ZSWIM5: variants seen among roughly 807,000 people sequenced by gnomAD.
ZSWIM5 encodes the protein zinc finger SWIM-type containing 5.
In ZSWIM5, 55 loss-of-function variants were observed where a neutral mutation model predicts 119.6. That is an observed-to-expected ratio of 0.46 (90% CI 0.37 to 0.58). The LOEUF (loss-of-function observed/expected upper bound fraction) is 0.58, where lower values mean the gene tolerates loss of function less well. ZSWIM5 is among the 20% of genes least tolerant of loss of function. The probability of loss-of-function intolerance (pLI) is 0.00; values close to 1 mark genes in which losing one functional copy is unlikely to be tolerated. For missense variants in ZSWIM5, 1,193 were observed against 1,512.8 expected, an observed-to-expected ratio of 0.79 and a Z score of 3.51; for synonymous variants, 537 against 606.9, an observed-to-expected ratio of 0.88 and a Z score of 1.69.
chr1:45,166,531 C>T (rs1645904770), intron 1 of ZSWIM5, among the ~76,000 whole-genome samples: 1 of 152,044 alleles, frequency 6.6e-6, no homozygotes, highest in Non-Finnish European at 1.5e-5. Context: ...GTCAAATTGT[C>T]CCTGTTTGCA....
chr1:45,134,919 T>C (rs1371841849), intron 1 of ZSWIM5, among the ~76,000 whole-genome samples: 1 of 152,254 alleles, frequency 6.6e-6, no homozygotes, highest in Non-Finnish European at 1.5e-5. Context: ...GATTTCTTTC[T>C]TTTTAAAGCC....
intron 1 of ZSWIM5, among the ~76,000 whole-genome samples, chr1:45,094,995 C>T (rs917840779): frequency 6.6e-6 from 1 of 152,186 alleles, no homozygotes; most frequent in Admixed American, 6.5e-5. Flanking sequence ...CTACCTCCTC[C>T]ATAGATTACT....
chr1:45,090,543 G>C (rs1645358608), intron 1 of ZSWIM5, among the ~76,000 whole-genome samples: 1 of 151,920 alleles, frequency 6.6e-6, no homozygotes, highest in Non-Finnish European at 1.5e-5. Flanking sequence ...TCGAGGCTAG[G>C]AGTTCAAGAC....
At chr1:45,052,442 CTT>C (rs1352578184) in intron 4 of ZSWIM5, among the ~76,000 whole-genome samples, 1 of 152,170 alleles carries the variant, frequency 6.6e-6, no homozygotes, top group African/African-American at 2.4e-5. Flanking sequence ...GAAAAGCCAT[CTT>C]AGCCTCAATT....
chr1:45,048,059 T>A (rs1429984290), intron 5 of ZSWIM5, among the ~76,000 whole-genome samples: 1 of 37,736 alleles, frequency 2.6e-5, no homozygotes, highest in African/African-American at 1.2e-4. Flanking sequence ...CTTTCTTTCT[T>A]TCTTTCTTTC....
chr1:45,129,422 G>A (rs1324186701), intron 1 of ZSWIM5, among the ~76,000 whole-genome samples: 2 of 152,072 alleles, frequency 1.3e-5, no homozygotes, highest in African/African-American at 4.8e-5. Flanking sequence ...CTCCCAAAGT[G>A]CTGGGATTAC....
At chr1:45,043,436 T>C in intron 5 of ZSWIM5, 41 bp from the exon 6 acceptor site, 1 of 1,601,760 alleles carries the variant, frequency 6.2e-7, no homozygotes, top group Non-Finnish European at 8.5e-7. Flanking sequence ...TGACAGGCAA[T>C]TTGAAGTTTT....
chr1:45,137,364 A>C (rs181030961), intron 1 of ZSWIM5, among the ~76,000 whole-genome samples: 33 of 152,334 alleles, frequency 2.2e-4, no homozygotes, highest in Admixed American at 2.0e-3. Context: ...AGATTTTTAA[A>C]AATATTTATC....
intron 5 of ZSWIM5, among the ~76,000 whole-genome samples, chr1:45,045,326 C>T (rs868700928): frequency 6.6e-5 from 10 of 152,174 alleles, no homozygotes; most frequent in Middle Eastern, 3.4e-3. Flanking sequence ...TTATACTGTA[C>T]GGACATTTCC....
intron 1 of ZSWIM5, among the ~76,000 whole-genome samples, chr1:45,192,506 AAAGG>A (rs143389807): frequency 6.6e-5 from 10 of 152,244 alleles, no homozygotes; most frequent in South Asian, 2.1e-4. Flanking sequence ...AAAGACAGAG[AAAGG>A]AAGGAAGGAA....
chr1:45,164,745 T>A (rs1225908453), intron 1 of ZSWIM5, among the ~76,000 whole-genome samples: 1 of 152,004 alleles, frequency 6.6e-6, no homozygotes, highest in Non-Finnish European at 1.5e-5. Flanking sequence ...GGTAAAGGGA[T>A]CAATCCAACA....
At chr1:45,172,817 A>T (rs1483030054) in intron 1 of ZSWIM5, among the ~76,000 whole-genome samples, 1 of 152,144 alleles carries the variant, frequency 6.6e-6, no homozygotes, top group Non-Finnish European at 1.5e-5. Flanking sequence ...ATTATTATGC[A>T]AATCATTCTT....
chr1:45,053,515 G>A (rs570298259), intron 4 of ZSWIM5, among the ~76,000 whole-genome samples: 68 of 151,914 alleles, frequency 4.5e-4, no homozygotes, highest in African/African-American at 1.5e-3. Flanking sequence ...TAATCCCAGT[G>A]CTTTGGGAGG....
chr1:45,040,306 T>C (rs1407094367), intron 7 of ZSWIM5, 86 bp downstream of exon 7: 1 of 1,351,642 alleles, frequency 7.4e-7, no homozygotes, highest in African/African-American at 1.5e-5. Context: ...GACCCGGAAT[T>C]CCCTAGTTCT....
At chr1:45,035,621 C>A in intron 10 of ZSWIM5, 67 bp downstream of exon 10, 1 of 1,564,978 alleles carries the variant, frequency 6.4e-7, no homozygotes, top group South Asian at 1.1e-5. Flanking sequence ...GTGAAATAAG[C>A]AATGAAAAAG....
At chr1:45,154,118 C>T (rs1427995344) in intron 1 of ZSWIM5, among the ~76,000 whole-genome samples, 1 of 152,038 alleles carries the variant, frequency 6.6e-6, no homozygotes. Flanking sequence ...CAAATGGAAA[C>T]ACATCCCATG....
intron 1 of ZSWIM5, among the ~76,000 whole-genome samples, chr1:45,153,421 G>A (rs746746526): frequency 6.0e-5 from 9 of 151,142 alleles, no homozygotes; most frequent in South Asian, 2.1e-4. Context: ...CATGAGAATC[G>A]CTTGAACCTG....
At chr1:45,133,561 G>T (rs1645671904) in intron 1 of ZSWIM5, among the ~76,000 whole-genome samples, 2 of 152,150 alleles carry the variant, frequency 1.3e-5, no homozygotes, top group Non-Finnish European at 1.5e-5. Flanking sequence ...TCTGTAGGTT[G>T]CCTGTTCACT....
chr1:45,175,883 A>C (rs192517428), intron 1 of ZSWIM5, among the ~76,000 whole-genome samples: 17 of 151,982 alleles, frequency 1.1e-4, no homozygotes, highest in Admixed American at 1.1e-3. Context: ...AATCTCTTCA[A>C]AGCTGGCTTT....
Sources: allele counts gnomAD v4.1 joint callset (sites outside exome capture counted in the v4.1 genomes callset), GRCh38; gene constraint gnomAD v4.1.1; transcripts MANE v1.5; gene names NCBI Gene and HGNC (gene_info 2026-07-23, HGNC 2026-07-21).